Variants in SHB observed in about 807,000 individuals in gnomAD.
The protein encoded by SHB is SH2 domain-containing adapter protein B.
In SHB, 20 loss-of-function variants were observed where a neutral mutation model predicts 52.3. That is an observed-to-expected ratio of 0.38 (90% CI 0.27 to 0.56). The LOEUF (loss-of-function observed/expected upper bound fraction) is 0.56, where lower values mean the gene tolerates loss of function less well. Ranked by LOEUF, SHB falls within the 20% of genes least tolerant of loss-of-function variation. SHB has a pLI of 0.71. For synonymous variants in SHB, 397 were observed against 316.5 expected (o/e 1.25, Z -2.70); for missense variants, 825 against 723.3 (o/e 1.14, Z -1.61).
intron 5 of SHB, among the ~76,000 whole-genome samples, chr9:37,929,655 C>A (rs1476814214): frequency 6.6e-6 from 1 of 151,984 alleles, no homozygotes; most frequent in Admixed American, 6.5e-5. Context: ...GGGCAGCCTG[C>A]CTGGCTGGGG....
At chr9:38,064,320 T>C (rs919210956) in intron 1 of SHB, among the ~76,000 whole-genome samples, 8 of 152,212 alleles carry the variant, frequency 5.3e-5, no homozygotes, top group Non-Finnish European at 8.8e-5. Flanking sequence ...ACCTTCAAGG[T>C]CTCCCCTGTG....
rs200580656 is a variant in SHB, at chr9:37,919,986, C to T, written c.1365G>A (p.Met455Ile). 6.2e-6 allele frequency: 10 copies of T among 1,614,018 alleles called. No individual in the cohort carries two copies. Among genetic ancestry groups the T allele is most frequent in the Non-Finnish European group, 8.5e-6 (10 of 1,179,908 alleles). Residue 455 changes from methionine to isoleucine, a missense_variant, in exon 6 of 6, where the codon ATG (methionine) becomes ATA (isoleucine). By Grantham distance (10) the Met-to-Ile change is conservative (BLOSUM62 1). Coordinates refer to ENST00000377707, the MANE Select transcript of SHB (RefSeq NM_003028.3). ...SLSLRSNQGF[M>I]HMKLAKTKEK... ...CTTTGGTTTTGGCCAGTTTCATGTGCATAAAACCCTGGTTGCTCCTGTGAA... is the reference window on the plus strand; with the variant it reads ...CTTTGGTTTTGGCCAGTTTCATGTGTATAAAACCCTGGTTGCTCCTGTGAA...
chr9:37,964,837 A>C (rs1832731072), intron 3 of SHB, among the ~76,000 whole-genome samples: 1 of 152,204 alleles, frequency 6.6e-6, no homozygotes, highest in African/African-American at 2.4e-5. Flanking sequence ...AACTTGGCCC[A>C]GGTCATCCCG....
chr9:37,943,681 G>A (rs1470236871), intron 5 of SHB, among the ~76,000 whole-genome samples: 1 of 152,126 alleles, frequency 6.6e-6, no homozygotes, highest in Non-Finnish European at 1.5e-5. Context: ...GGTGCCACTC[G>A]GTGCCCCTTC....
chr9:38,043,970 T>G (rs10973649), intron 1 of SHB, among the ~76,000 whole-genome samples: 19,984 of 152,060 alleles, frequency 0.13, 2,783 homozygotes, highest in African/African-American at 0.35. Flanking sequence ...CAGGCCTCAA[T>G]CCAGGGCCAT....
At chr9:37,950,787 G>A (rs1832557369) in intron 4 of SHB, among the ~76,000 whole-genome samples, 1 of 152,214 alleles carries the variant, frequency 6.6e-6, no homozygotes, top group South Asian at 2.1e-4. Flanking sequence ...AGCCTGATGT[G>A]GGGCGAGTCT....
At chr9:38,060,638 G>A (rs919331815) in intron 1 of SHB, among the ~76,000 whole-genome samples, 1 of 152,212 alleles carries the variant, frequency 6.6e-6, no homozygotes, top group Non-Finnish European at 1.5e-5. Flanking sequence ...CTCAGAGTAT[G>A]TATAATAAAA....
Position 37,964,961 on chromosome 9 carries a change from C to T in SHB, c.1055-8907G>A, listed in dbSNP as rs183735155. Among the ~76,000 whole-genome samples the T allele has an allele frequency of 4.9e-4, 75 of 152,358 alleles. 2 individuals are homozygous for T. In the East Asian group the frequency reaches 0.013, roughly 26 times the overall value. On this transcript the variant is annotated intron_variant, in intron 3 of 5. Coordinates refer to ENST00000377707, the MANE Select transcript of SHB (RefSeq NM_003028.3). ...GTAAAACATACCTGGGACCTACACA[C>T]GTCTGATACAGTATGTCTCCCGACA...
intron 5 of SHB, among the ~76,000 whole-genome samples, chr9:37,936,451 A>G (rs1832372774): frequency 6.6e-6 from 1 of 152,192 alleles, no homozygotes; most frequent in African/African-American, 2.4e-5. Context: ...TTTTATTACA[A>G]TCATGGCTCA....
chr9:37,994,185 A>G (rs1820919924), intron 2 of SHB, among the ~76,000 whole-genome samples: 1 of 152,348 alleles, frequency 6.6e-6, no homozygotes, highest in South Asian at 2.1e-4. Flanking sequence ...GAAAGTGACC[A>G]TGAGATCTGG....
intron 1 of SHB, among the ~76,000 whole-genome samples, chr9:38,034,691 G>C (rs1018187624): frequency 2.0e-5 from 3 of 152,134 alleles, no homozygotes; most frequent in South Asian, 2.1e-4. Context: ...CATGTTTTTG[G>C]TTTGTTCATT....
In SHB at chr9:37,918,606, A is replaced by T. The variant is rs1832134105; in HGVS notation, c.*1215T>A. On this transcript the variant is annotated 3_prime_UTR_variant, in exon 6 of 6. Coordinates refer to ENST00000377707, the MANE Select transcript of SHB (RefSeq NM_003028.3). ...CTCCCTCCTCCATGGGCAGGGTGAC[A>T]GCAAGGCCATGCAGAACCAACGAAA... 6.6e-6 allele frequency among the ~76,000 whole-genome samples: 1 copy of T among 152,174 alleles called. No individual in the cohort carries two copies. Among genetic ancestry groups the T allele is most frequent in the South Asian group, 2.1e-4 (1 of 4,834 alleles).
intron 1 of SHB, among the ~76,000 whole-genome samples, chr9:38,067,033 G>A (rs1044514027): frequency 6.6e-6 from 1 of 152,184 alleles, no homozygotes. Flanking sequence ...GGGAAGGGAG[G>A]GCTTCACAGG....
At chr9:37,956,399 A>G (rs576505127) in intron 3 of SHB, among the ~76,000 whole-genome samples, 1 of 152,202 alleles carries the variant, frequency 6.6e-6, no homozygotes, top group South Asian at 2.1e-4. Flanking sequence ...GACAGTTCTC[A>G]GGGGAAAAAG....
chr9:37,948,404 C>T (rs552184430), intron 5 of SHB, among the ~76,000 whole-genome samples: 3 of 152,284 alleles, frequency 2.0e-5, no homozygotes, highest in South Asian at 4.2e-4. Flanking sequence ...ATAGTTAATA[C>T]AAAATCCTAG....
At chr9:38,044,594 T>C (rs905514408) in intron 1 of SHB, among the ~76,000 whole-genome samples, 2 of 152,196 alleles carry the variant, frequency 1.3e-5, no homozygotes, top group African/African-American at 4.8e-5. Context: ...AGCTGCTCTT[T>C]CCAATGCCCA....
At chr9:37,921,609 T>C (rs1428073088) in intron 5 of SHB, among the ~76,000 whole-genome samples, 1 of 152,232 alleles carries the variant, frequency 6.6e-6, no homozygotes, top group Non-Finnish European at 1.5e-5. Flanking sequence ...ATCAAGATTT[T>C]TTTTAAGGCT....
intron 1 of SHB, among the ~76,000 whole-genome samples, chr9:38,061,783 C>T (rs984281974): frequency 6.6e-6 from 1 of 152,192 alleles, no homozygotes; most frequent in Admixed American, 6.5e-5. Context: ...CAATGTACCG[C>T]CAGTCTCTTC....
chr9:37,992,418 AAAAT>A (rs1364506964), intron 2 of SHB, among the ~76,000 whole-genome samples: 1 of 152,174 alleles, frequency 6.6e-6, no homozygotes, highest in East Asian at 1.9e-4. Context: ...ATAAAAATAA[AAAAT>A]AAATAAAAAC....
Sources: allele counts gnomAD v4.1 joint callset (sites outside exome capture counted in the v4.1 genomes callset), GRCh38; gene constraint gnomAD v4.1.1; transcripts MANE v1.5; gene names NCBI Gene and HGNC (gene_info 2026-07-23, HGNC 2026-07-21).